Variants in IRAG1 observed in about 807,000 individuals in gnomAD.
IRAG1 encodes the protein inositol 1,4,5-triphosphate receptor associated 1.
IRAG1 carries 62 observed loss-of-function variants against 106.2 expected under a neutral mutation model. The ratio of observed to expected loss-of-function variants is 0.58; its 90% CI spans 0.48 to 0.72. IRAG1 has a LOEUF of 0.72. Among genes scored for constraint, IRAG1 ranks in the 30% least tolerant of loss-of-function variants. The pLI, the probability that IRAG1 is intolerant of heterozygous loss-of-function variation, is 0.00. For synonymous variants in IRAG1, 462 were observed against 443.9 expected (o/e 1.04, Z -0.51); for missense variants, 1,064 against 1,140.7 (o/e 0.93, Z 0.97).
In IRAG1 at chr11:10,574,851, A is replaced by G. The variant is rs907157228; in HGVS notation, c.*1481T>C. The stretch of plus-strand genomic sequence containing the variant: ...TACCCTGGGGTTGAGCTCCAGCCCC[A>G]TGATTTACTACCGGGGTGTCCTTGT... On this transcript the variant is annotated 3_prime_UTR_variant, in exon 21 of 21. Coordinates refer to ENST00000423302, the MANE Select transcript of IRAG1 (RefSeq NM_130385.4). The G allele has an allele frequency of 6.6e-6, 1 of 152,198 alleles. No individual in the cohort carries two copies. The highest frequency in any genetic ancestry group is 2.4e-5 in the African/African-American group (1 of 41,444). 9.4% of individuals were successfully genotyped at this position (152,198 alleles called of 1,614,324 possible).
intron 10 of IRAG1, among the ~76,000 whole-genome samples, chr11:10,619,145 C>G (rs1855651121): frequency 6.6e-6 from 1 of 152,178 alleles, no homozygotes; most frequent in African/African-American, 2.4e-5. Flanking sequence ...TTGAAATAAC[C>G]TGCAACTGAT....
At chr11:10,675,286 T>C (rs1358301525) in intron 1 of IRAG1, among the ~76,000 whole-genome samples, 5 of 152,170 alleles carry the variant, frequency 3.3e-5, no homozygotes, top group African/African-American at 1.2e-4. Flanking sequence ...AGACCCCAAG[T>C]AGAATCTGGG....
At chr11:10,662,191 G>A (rs919499271) in intron 1 of IRAG1, among the ~76,000 whole-genome samples, 2 of 152,162 alleles carry the variant, frequency 1.3e-5, no homozygotes, top group Non-Finnish European at 2.9e-5. Flanking sequence ...TGGATCACTT[G>A]AAGTCAGGAG....
At position 10,623,020 on chromosome 11, in the gene IRAG1, C is replaced by T. The variant is rs1023236112; in HGVS notation, c.1447+758G>A. 2.6e-5 allele frequency among the ~76,000 whole-genome samples: 4 copies of T among 152,316 alleles called. No individual in the cohort carries two copies. The East Asian group carries it at 7.7e-4, about 29-fold the overall frequency. On this transcript the variant is annotated intron_variant, in intron 10 of 20. Coordinates refer to ENST00000423302, the MANE Select transcript of IRAG1 (RefSeq NM_130385.4). ...TATTAGCTGCTTTAATCTCCATAAT[C>T]ACCTAAGAAGGCAGGTACTGTTCTT... is the stretch of plus-strand genomic sequence containing the variant.
chr11:10,663,808 C>T (rs1327092930), intron 1 of IRAG1, among the ~76,000 whole-genome samples: 1 of 152,198 alleles, frequency 6.6e-6, no homozygotes, highest in Non-Finnish European at 1.5e-5. Flanking sequence ...ACACCCAGCA[C>T]AATGTAGATA....
At chr11:10,648,698 G>A (rs1326101632) in intron 2 of IRAG1, among the ~76,000 whole-genome samples, 1 of 152,190 alleles carries the variant, frequency 6.6e-6, no homozygotes, top group Non-Finnish European at 1.5e-5. Context: ...TCAGGACATA[G>A]CCTTACAAAG....
chr11:10,599,746 A>C (rs1853758018), intron 15 of IRAG1: 1 of 152,230 alleles, frequency 6.6e-6, no homozygotes, highest in Non-Finnish European at 1.5e-5. Flanking sequence ...CATCAGCCAG[A>C]GTTCAAACCC....
chr11:10,651,122 G>T (rs1204087514), intron 2 of IRAG1, among the ~76,000 whole-genome samples: 2 of 152,214 alleles, frequency 1.3e-5, no homozygotes, highest in Non-Finnish European at 2.9e-5. Context: ...CAACTGCAAA[G>T]TTCATGAAGT....
intron 1 of IRAG1, among the ~76,000 whole-genome samples, chr11:10,690,023 T>C (rs1410446294): frequency 6.6e-6 from 1 of 152,126 alleles, no homozygotes; most frequent in Non-Finnish European, 1.5e-5. Flanking sequence ...AAAAAAGTAA[T>C]AGGAAGAAAG....
intron 10 of IRAG1, chr11:10,617,298 G>T: frequency 1.6e-6 from 1 of 614,154 alleles, no homozygotes. Flanking sequence ...CAATAGTACT[G>T]CAAATAAAAA....
At chr11:10,650,120 G>A (rs12295574) in intron 2 of IRAG1, among the ~76,000 whole-genome samples, 42,828 of 152,102 alleles carry the variant, frequency 0.28, 7,174 homozygotes, top group East Asian at 0.77. Context: ...GGGAACTTAA[G>A]TAACAAACAC....
At chr11:10,684,170 C>T (rs188245889) in intron 1 of IRAG1, among the ~76,000 whole-genome samples, 23 of 151,996 alleles carry the variant, frequency 1.5e-4, no homozygotes, top group Non-Finnish European at 2.6e-4. Context: ...ATGTTTATTG[C>T]GGCACTATTC....
rs1233779848 is a variant in IRAG1, at chr11:10,626,594, C to T, written c.751-11G>A. 2 of 1,584,922 alleles carry T rather than the reference C, an allele frequency of 1.3e-6. No homozygotes were observed. The highest frequency in any genetic ancestry group is 2.3e-5 in the South Asian group (2 of 86,674). On this transcript the variant is annotated splice_polypyrimidine_tract_variant and intron_variant, in intron 8 of 20. Transcript: ENST00000423302. Reference sequence around the variant, plus strand: ...CCCTTTGGGGACGTTCTGAAAAAGACAAGGTAGAGCTGGAACCCTCGGGGG... The same window carrying T: ...CCCTTTGGGGACGTTCTGAAAAAGATAAGGTAGAGCTGGAACCCTCGGGGG...
intron 15 of IRAG1, among the ~76,000 whole-genome samples, chr11:10,597,474 C>T (rs758597054): frequency 1.3e-5 from 2 of 152,052 alleles, no homozygotes; most frequent in African/African-American, 2.4e-5. Context: ...TACAGGTGCC[C>T]ACCACCACAT....
In IRAG1 at chr11:10,609,770, A is replaced by T; in HGVS notation, c.1529T>A (p.Val510Glu). 6.2e-7 allele frequency: 1 copy of T among 1,613,976 alleles called. No homozygotes were observed. The highest frequency in any genetic ancestry group is 8.5e-7 in the Non-Finnish European group (1 of 1,179,872). ...GLDVMPNISD[V>E]LLRKLRVHRS... ...GTGGACCCGCAGTTTGCGCAGCAGCACATCAGAAATATTAGGCATGACATC... is the reference window on the plus strand; with the variant it reads ...GTGGACCCGCAGTTTGCGCAGCAGCTCATCAGAAATATTAGGCATGACATC... Residue 510 changes from valine to glutamate, a missense_variant, in exon 11 of 21, where the codon GTG becomes GAG. Coordinates refer to ENST00000423302, the MANE Select transcript of IRAG1 (RefSeq NM_130385.4).
chr11:10,624,140 A>G (rs1007937246), intron 9 of IRAG1, among the ~76,000 whole-genome samples: 1 of 152,196 alleles, frequency 6.6e-6, no homozygotes, highest in Non-Finnish European at 1.5e-5. Flanking sequence ...GCTTCAGGGT[A>G]AATGAACTGC....
intron 2 of IRAG1, among the ~76,000 whole-genome samples, chr11:10,634,322 C>T (rs546096064): frequency 2.6e-5 from 4 of 152,310 alleles, no homozygotes; most frequent in African/African-American, 7.2e-5. Context: ...GACATATTCA[C>T]GGCATACAGT....
At chr11:10,583,985 A>C (rs1420032699) in intron 18 of IRAG1, among the ~76,000 whole-genome samples, 1 of 151,912 alleles carries the variant, frequency 6.6e-6, no homozygotes, top group East Asian at 1.9e-4. Context: ...AAGAAGGAAA[A>C]CAGACATACT....
chr11:10,683,222 C>A (rs1226003693), intron 1 of IRAG1, among the ~76,000 whole-genome samples: 1 of 152,052 alleles, frequency 6.6e-6, no homozygotes, highest in Non-Finnish European at 1.5e-5. Context: ...TGATGTAGCA[C>A]CCTCATGTAT....
Sources: allele counts gnomAD v4.1 joint callset (sites outside exome capture counted in the v4.1 genomes callset), GRCh38; gene constraint gnomAD v4.1.1; transcripts MANE v1.5; gene names NCBI Gene and HGNC (gene_info 2026-07-23, HGNC 2026-07-21).